Variants in STK33 observed in about 807,000 individuals in gnomAD.
STK33 encodes the protein serine/threonine-protein kinase 33.
A neutral mutation model predicts 58.0 loss-of-function variants in STK33; 52 were observed. The observed-to-expected ratio is 0.90, with a 90% CI of 0.72 to 1.13. STK33 has a LOEUF of 1.13. Ranked by LOEUF, STK33 falls within the 50% of genes most tolerant of loss-of-function variation. The probability of loss-of-function intolerance (pLI) is 0.00; values close to 1 mark genes in which losing one functional copy is unlikely to be tolerated. For synonymous variants in STK33, 215 were observed against 200.1 expected, an observed-to-expected ratio of 1.07 and a Z score of -0.63; for missense variants, 630 against 604.2, an observed-to-expected ratio of 1.04 and a Z score of -0.45.
chr11:8,388,601 G>A (rs1212947715), downstream of STK33, among the ~76,000 whole-genome samples: 2 of 152,182 alleles, frequency 1.3e-5, no homozygotes, highest in Non-Finnish European at 2.9e-5. Flanking sequence ...TTGTAGAGAT[G>A]AAGCGAACAC....
chr11:8,457,516 T>C (rs1317612326), intron 8 of STK33, 37 bp from the exon 9 acceptor site: 1 of 1,499,370 alleles, frequency 6.7e-7, no homozygotes, highest in Admixed American at 1.8e-5. Flanking sequence ...GAGAGCAAAT[T>C]ATATATCTGG....
intron 1 of STK33, among the ~76,000 whole-genome samples, chr11:8,519,059 C>T (rs1376618142): frequency 2.6e-5 from 4 of 152,174 alleles, no homozygotes; most frequent in African/African-American, 9.7e-5. Flanking sequence ...CACCACATCA[C>T]AATTATTCCA....
chr11:8,487,179 T>C (rs1950244888), intron 1 of STK33, among the ~76,000 whole-genome samples: 1 of 152,092 alleles, frequency 6.6e-6, no homozygotes, highest in Non-Finnish European at 1.5e-5. Flanking sequence ...ATCCTAGCAC[T>C]TTGGGAGGCA....
intron 7 of STK33, among the ~76,000 whole-genome samples, chr11:8,462,970 A>G (rs1446158537): frequency 2.0e-5 from 3 of 152,154 alleles, no homozygotes; most frequent in Non-Finnish European, 4.4e-5. Flanking sequence ...CTGATTTGGG[A>G]GAGTACATAA....
intron 1 of STK33, among the ~76,000 whole-genome samples, chr11:8,515,242 T>A (rs1952671918): frequency 6.6e-6 from 1 of 152,130 alleles, no homozygotes; most frequent in African/African-American, 2.4e-5. Context: ...TTACAGCTCA[T>A]GCTACAGAAA....
chr11:8,449,374 G>C (rs1388277438), intron 11 of STK33, among the ~76,000 whole-genome samples: 8 of 151,682 alleles, frequency 5.3e-5, no homozygotes, highest in African/African-American at 2.0e-4. Flanking sequence ...CAAAGACTTG[G>C]AACCAACCCA....
intron 1 of STK33, among the ~76,000 whole-genome samples, chr11:8,487,074 G>A (rs1355035589): frequency 2.6e-5 from 4 of 152,104 alleles, no homozygotes; most frequent in Non-Finnish European, 5.9e-5. Flanking sequence ...AAGAGGTAGT[G>A]GATATTTAGG....
chr11:8,506,095 C>A (rs1259160332), intron 1 of STK33, among the ~76,000 whole-genome samples: 1 of 152,174 alleles, frequency 6.6e-6, no homozygotes, highest in Non-Finnish European at 1.5e-5. Context: ...TTTTGCAATG[C>A]CACCCAGTCC....
chr11:8,453,707 A>G (rs1385865762), intron 10 of STK33, among the ~76,000 whole-genome samples: 1 of 152,224 alleles, frequency 6.6e-6, no homozygotes, highest in African/African-American at 2.4e-5. Flanking sequence ...TTGATTAAGT[A>G]ACCAAATATA....
Position 8,586,237 on chromosome 11 carries a change from A to C in STK33, c.-466+7846T>G, listed in dbSNP as rs896573785. Among the ~76,000 whole-genome samples, 463 of 145,854 alleles carry C rather than the reference A, an allele frequency of 3.2e-3. 1 individual carries two copies. The highest frequency in any genetic ancestry group is 0.011 in the African/African-American group (437 of 38,696). The stretch of plus-strand genomic sequence containing the variant: ...ATCTCGGAAAAAAAAAAAAAAAAAA[A>C]CACCTGACTTCAAATCCCAACCCAA... On this transcript the variant is annotated intron_variant, in intron 1 of 15. Transcript: ENST00000687296.
the STK33 span, among the ~76,000 whole-genome samples, chr11:8,348,636 A>G: frequency 2.0e-5 from 3 of 152,228 alleles, no homozygotes; most frequent in Non-Finnish European, 4.4e-5. Context: ...GGCTTACAGT[A>G]AAACTCTAAG....
intron 15 of STK33, among the ~76,000 whole-genome samples, chr11:8,410,969 A>G (rs956634060): frequency 1.3e-5 from 2 of 152,134 alleles, no homozygotes; most frequent in African/African-American, 4.8e-5. Context: ...TTTCTCTCCA[A>G]TTGTTTTCTG....
chr11:8,336,424 G>A, the STK33 span, among the ~76,000 whole-genome samples: 1 of 152,242 alleles, frequency 6.6e-6, no homozygotes. Flanking sequence ...CCATTCACGG[G>A]GAGATGGAAA....
chr11:8,531,567 G>C (rs1475844419), intron 1 of STK33, among the ~76,000 whole-genome samples: 1 of 152,186 alleles, frequency 6.6e-6, no homozygotes, highest in Non-Finnish European at 1.5e-5. Flanking sequence ...GAGCTGAGCT[G>C]GGAGCTTAGC....
chr11:8,367,501 G>A, the STK33 span, among the ~76,000 whole-genome samples: 1 of 152,170 alleles, frequency 6.6e-6, no homozygotes, highest in African/African-American at 2.4e-5. Context: ...AGATCTTCCT[G>A]CACTGTGACA....
chr11:8,539,855 T>C (rs571792241), intron 1 of STK33, among the ~76,000 whole-genome samples: 3 of 152,290 alleles, frequency 2.0e-5, no homozygotes, highest in Admixed American at 2.0e-4. Flanking sequence ...TAAGCTTCTA[T>C]AGATAAATAA....
intron 11 of STK33, among the ~76,000 whole-genome samples, chr11:8,451,202 A>C (rs1946234087): frequency 6.6e-6 from 1 of 152,216 alleles, no homozygotes; most frequent in Admixed American, 6.5e-5. Flanking sequence ...TTAACATATG[A>C]TCCAACAATT....
intron 1 of STK33, among the ~76,000 whole-genome samples, chr11:8,493,237 T>C (rs989693429): frequency 6.6e-6 from 1 of 151,388 alleles, no homozygotes; most frequent in Non-Finnish European, 1.5e-5. Flanking sequence ...AAGAATCAAA[T>C]AGACACAATA....
Position 8,392,523 on chromosome 11 carries a change from T to G in STK33, c.1532A>C (p.Lys511Thr), listed in dbSNP as rs1057515418. 3 of 1,614,038 alleles carry G rather than the reference T, an allele frequency of 1.9e-6. No homozygotes were observed. The African/African-American group carries it at 4.0e-5, about 22-fold the overall frequency. ...CTGGAGGGAACCTTAGAGTTTCTTT[T>G]TGGTTCTGGACAGGGCGCCGGATTT... is the stretch of plus-strand genomic sequence containing the variant. ...PAKSGALSRTKKKL is the reference protein window; with the variant it reads ...PAKSGALSRTTKKL Residue 511 changes from lysine (K) to threonine (T), a missense_variant, in exon 16 of 16, where the codon AAA becomes ACA. Transcript: ENST00000687296.
Sources: gnomAD v4.1 joint callset for allele counts (sites outside exome capture counted in the v4.1 genomes callset) on GRCh38, gnomAD v4.1.1 for gene constraint, MANE v1.5 for transcripts, NCBI Gene and HGNC (gene_info 2026-07-23, HGNC 2026-07-21) for gene names.